RALGPS1: variants seen among roughly 807,000 people sequenced by gnomAD.
The protein encoded by RALGPS1 is ras-specific guanine nucleotide-releasing factor RalGPS1.
RALGPS1 carries 19 observed loss-of-function variants against 78.8 expected under a neutral mutation model. That is an observed-to-expected ratio of 0.24 (90% CI 0.17 to 0.35). RALGPS1 has a LOEUF of 0.35. Among genes scored for constraint, RALGPS1 ranks in the 10% least tolerant of loss-of-function variants. RALGPS1 has a pLI of 1.00. For missense variants in RALGPS1, 454 were observed against 688.3 expected (o/e 0.66, Z 3.81); for synonymous variants, 228 against 256.3 (o/e 0.89, Z 1.06).
chr9:127,015,329 G>T (rs150970973), intron 4 of RALGPS1, among the ~76,000 whole-genome samples: 9 of 152,280 alleles, frequency 5.9e-5, no homozygotes, highest in African/African-American at 2.2e-4. Flanking sequence ...TAACCTGGGG[G>T]CAATCATAGC....
intron 1 of RALGPS1, among the ~76,000 whole-genome samples, chr9:126,919,099 C>G (rs1385868183): frequency 6.6e-6 from 1 of 152,160 alleles, no homozygotes; most frequent in African/African-American, 2.4e-5. Flanking sequence ...ATTATATATT[C>G]TTTCTCTTAC....
intron 17 of RALGPS1, 126 bp from the exon 18 acceptor site, chr9:127,214,625 G>A: frequency 2.1e-6 from 3 of 1,424,554 alleles, no homozygotes. Context: ...TTCTCTGCAT[G>A]TTCCAGCTCA....
At chr9:127,175,479 G>T (rs1564722293) in intron 11 of RALGPS1, among the ~76,000 whole-genome samples, 2 of 152,016 alleles carry the variant, frequency 1.3e-5, no homozygotes, top group Non-Finnish European at 2.9e-5. Flanking sequence ...TTATTTAATG[G>T]TTACTTTTTA....
At chr9:127,132,742 G>A (rs183450480) in intron 8 of RALGPS1, among the ~76,000 whole-genome samples, 51 of 152,244 alleles carry the variant, frequency 3.3e-4, no homozygotes, top group African/African-American at 1.2e-3. Flanking sequence ...TTCTAAATTG[G>A]GGATTATAAA....
chr9:127,080,830 G>A (rs929758204), intron 8 of RALGPS1, among the ~76,000 whole-genome samples: 1 of 152,302 alleles, frequency 6.6e-6, no homozygotes, highest in African/African-American at 2.4e-5. Flanking sequence ...AAGCCTCACT[G>A]GAATATTGTG....
chr9:127,090,390 G>A (rs921751155), intron 8 of RALGPS1, among the ~76,000 whole-genome samples: 2 of 152,212 alleles, frequency 1.3e-5, no homozygotes, highest in Admixed American at 6.5e-5. Flanking sequence ...TAGAAGCCTC[G>A]GCAGCCCCTA....
intron 8 of RALGPS1, among the ~76,000 whole-genome samples, chr9:127,158,956 G>T (rs1429899101): frequency 6.6e-6 from 1 of 152,024 alleles, no homozygotes; most frequent in African/African-American, 2.4e-5. Flanking sequence ...AGCCACACGG[G>T]TTATGAGTGT....
At position 126,953,589 on chromosome 9, in the gene RALGPS1, C is replaced by G. The variant is rs555536677; in HGVS notation, c.-65-8636C>G. Reference sequence around the variant, plus strand: ...AGCCCCTACAGTTTAATTTATCTCTCTGAGCCTCAGTTGCCTCATCTGTAA... The same window carrying G: ...AGCCCCTACAGTTTAATTTATCTCTGTGAGCCTCAGTTGCCTCATCTGTAA... On this transcript the variant is annotated intron_variant, in intron 1 of 18. Transcript: ENST00000259351. 3.9e-5 allele frequency among the ~76,000 whole-genome samples: 6 copies of G among 152,286 alleles called. 1 individual carries two copies. In the South Asian group the frequency reaches 1.2e-3, roughly 32 times the overall value.
At chr9:127,008,383 C>T (rs1024876161) in intron 4 of RALGPS1, among the ~76,000 whole-genome samples, 2 of 152,184 alleles carry the variant, frequency 1.3e-5, no homozygotes, top group African/African-American at 2.4e-5. Flanking sequence ...GTGGGAGGAC[C>T]TCTAGGCTTG....
chr9:127,128,693 G>A (rs919417176), intron 8 of RALGPS1, among the ~76,000 whole-genome samples: 4 of 152,186 alleles, frequency 2.6e-5, no homozygotes, highest in Non-Finnish European at 5.9e-5. Flanking sequence ...TCTTGAAGGC[G>A]CGTGGTCAGG....
At chr9:127,073,466 C>CTGTGTG (rs58611833) in intron 8 of RALGPS1, among the ~76,000 whole-genome samples, 57 of 143,026 alleles carry the variant, frequency 4.0e-4, no homozygotes, top group Non-Finnish European at 4.3e-4. Flanking sequence ...GTGTGTGTGT[C>CTGTGTG]TGTGTGTGTG....
chr9:127,096,953 C>G (rs2053201826), intron 8 of RALGPS1, among the ~76,000 whole-genome samples: 1 of 152,134 alleles, frequency 6.6e-6, no homozygotes, highest in African/African-American at 2.4e-5. Flanking sequence ...TCAAGGTTAC[C>G]TGGTGGGTAA....
At chr9:127,027,793 G>A (rs193009794) in intron 4 of RALGPS1, among the ~76,000 whole-genome samples, 52 of 152,326 alleles carry the variant, frequency 3.4e-4, no homozygotes, top group Middle Eastern at 3.4e-3. Flanking sequence ...CATGTAGAGC[G>A]TGGGCTCTGG....
At chr9:126,960,009 A>C (rs904045626) in intron 1 of RALGPS1, among the ~76,000 whole-genome samples, 4 of 152,176 alleles carry the variant, frequency 2.6e-5, no homozygotes, top group African/African-American at 9.7e-5. Context: ...AGAACTGAGG[A>C]GGGGATAACT....
chr9:127,153,234 G>C (rs1336821984), intron 8 of RALGPS1, among the ~76,000 whole-genome samples: 1 of 151,754 alleles, frequency 6.6e-6, no homozygotes, highest in Non-Finnish European at 1.5e-5. Context: ...AGCCAGGGCA[G>C]GGGGAGAGCA....
intron 11 of RALGPS1, among the ~76,000 whole-genome samples, chr9:127,188,305 G>A (rs2060795775): frequency 2.0e-5 from 3 of 151,948 alleles, no homozygotes; most frequent in South Asian, 4.2e-4. Context: ...CTCGTGATCC[G>A]CCCGAGCCTC....
At chr9:127,203,588 G>T (rs1057236495) in intron 14 of RALGPS1, among the ~76,000 whole-genome samples, 1 of 152,072 alleles carries the variant, frequency 6.6e-6, no homozygotes, top group African/African-American at 2.4e-5. Flanking sequence ...GCTGGGGCAG[G>T]GTTGGGGGGC....
intron 8 of RALGPS1, among the ~76,000 whole-genome samples, chr9:127,123,611 T>G: frequency 6.6e-6 from 1 of 152,192 alleles, no homozygotes. Context: ...TGGGCTCTTC[T>G]AGGAACAAAC....
chr9:126,955,896 C>T (rs1318694237), intron 1 of RALGPS1, among the ~76,000 whole-genome samples: 1 of 152,310 alleles, frequency 6.6e-6, no homozygotes, highest in East Asian at 1.9e-4. Context: ...GAGCTTTGGT[C>T]AAGGTCTTGT....
Sources: gnomAD v4.1 joint callset for allele counts (sites outside exome capture counted in the v4.1 genomes callset) on GRCh38, gnomAD v4.1.1 for gene constraint, MANE v1.5 for transcripts, NCBI Gene and HGNC (gene_info 2026-07-23, HGNC 2026-07-21) for gene names.